The following TMEM144 variants were observed in gnomAD, a reference collection of about 807,000 sequenced individuals.
The protein encoded by TMEM144 is transmembrane protein 144.
Under a neutral mutation model 43.6 loss-of-function variants are expected in TMEM144, and 39 were observed. That is an observed-to-expected ratio of 0.90 (90% CI 0.69 to 1.17). TMEM144 has a LOEUF of 1.17. Among genes scored for constraint, TMEM144 ranks in the 50% most tolerant of loss-of-function variants. The pLI is 0.00. For missense variants in TMEM144, 417 were observed against 411.9 expected (o/e 1.01, Z -0.11); for synonymous variants, 154 against 133.6 (o/e 1.15, Z -1.06).
rs5863314 is a variant in TMEM144 at position 158,250,195 on chromosome 4, CATATAT to C, written c.955-3219_955-3214del. 5.4e-3 allele frequency among the ~76,000 whole-genome samples: 728 copies of C among 135,528 alleles called. 6 individuals carry two copies. The highest frequency in any genetic ancestry group is 0.019 in the Middle Eastern group (5 of 262). 88.9% of individuals were successfully genotyped at this position (135,528 alleles called of 152,430 possible). A position where few individuals can be genotyped will look rare whatever the true frequency, so the allele number is the denominator to read the frequency against. On this transcript the variant is annotated intron_variant, in intron 12 of 12. Transcript: ENST00000296529. ...TTTGATTTTGTTAATTAATACATAA[CATATAT>C]ATATATATATATATATATATATATA...
At position 158,235,497 on chromosome 4, in the gene TMEM144, C is replaced by T. The variant is rs747622992; in HGVS notation, c.555C>T (p.His185=). ...TGGATAAACTTTCTACAGTACACCA[C>T]CGCATAGTGTAAGGAGAGGTTACTT... ...SWVDKLSTVH[H]RIVGCSLAVI... The change falls in exon 8 of 13, where the codon CAC becomes CAT. Residue 185 remains histidine (H), a synonymous_variant. Coordinates refer to ENST00000296529, the MANE Select transcript of TMEM144 (RefSeq NM_018342.5). 1.9e-6 allele frequency: 3 copies of T among 1,613,446 alleles called. No individual in the cohort carries two copies. The highest frequency in any genetic ancestry group is 2.7e-5 in the African/African-American group (2 of 74,890).
intron 5 of TMEM144, among the ~76,000 whole-genome samples, chr4:158,218,051 C>T (rs1292379869): frequency 6.6e-6 from 1 of 152,170 alleles, no homozygotes; most frequent in African/African-American, 2.4e-5. Flanking sequence ...AAATTATCTA[C>T]AACCGCCTTC....
intron 3 of TMEM144, 74 bp downstream of exon 3, chr4:158,212,850 T>G: frequency 8.7e-7 from 1 of 1,148,030 alleles, no homozygotes; most frequent in Non-Finnish European, 1.3e-6. Flanking sequence ...CTTTTAAAAG[T>G]ATAGCTACAA....
chr4:158,232,840 C>G (rs971405150), intron 6 of TMEM144, 61 bp from the exon 7 acceptor site: 19 of 1,154,034 alleles, frequency 1.6e-5, no homozygotes, highest in Non-Finnish European at 2.3e-5. Flanking sequence ...TCTTAAAAAT[C>G]AAGCAGCTTG....
intron 7 of TMEM144, chr4:158,233,962 T>G: frequency 6.6e-6 from 1 of 152,154 alleles, no homozygotes. Context: ...TCCAGACACC[T>G]CCTGCCCAAC....
intron 10 of TMEM144, 89 bp downstream of exon 10, chr4:158,240,507 C>A: frequency 7.2e-7 from 1 of 1,391,634 alleles, no homozygotes; most frequent in Non-Finnish European, 9.7e-7. Flanking sequence ...GGAAACAAAG[C>A]CATCCTCTGT....
intron 12 of TMEM144, among the ~76,000 whole-genome samples, chr4:158,244,857 T>C (rs1192454953): frequency 6.6e-6 from 1 of 152,172 alleles, no homozygotes; most frequent in African/African-American, 2.4e-5. Context: ...ATGATAATTA[T>C]AATGTAACAT....
chr4:158,245,077 A>G (rs1735819232), intron 12 of TMEM144, among the ~76,000 whole-genome samples: 1 of 152,100 alleles, frequency 6.6e-6, no homozygotes, highest in Non-Finnish European at 1.5e-5. Context: ...ATTGGTTCCT[A>G]TGTCTCCCAA....
At chr4:158,240,485 T>A in intron 10 of TMEM144, 67 bp downstream of exon 10, 1 of 1,513,708 alleles carries the variant, frequency 6.6e-7, no homozygotes, top group Non-Finnish European at 8.9e-7. Context: ...TTAACTTGAA[T>A]AAGTTTCTTC....
chr4:158,249,660 G>A (rs191000393), intron 12 of TMEM144, among the ~76,000 whole-genome samples: 18 of 152,168 alleles, frequency 1.2e-4, no homozygotes, highest in East Asian at 1.9e-4. Context: ...ATGTATTCAC[G>A]TAATTAGATT....
At chr4:158,234,666 A>G (rs553671882) in intron 7 of TMEM144, 1 of 152,368 alleles carries the variant, frequency 6.6e-6, no homozygotes, top group African/African-American at 2.4e-5. Context: ...ACCTATATAT[A>G]GTATGTCTTT....
intron 11 of TMEM144, 148 bp from the exon 12 acceptor site, chr4:158,244,148 A>G: frequency 2.5e-6 from 1 of 406,602 alleles, no homozygotes; most frequent in Non-Finnish European, 4.3e-6. Context: ...AATATCACCT[A>G]AAGTTTAGCT....
chr4:158,237,580 A>G lies in TMEM144; in HGVS notation c.619A>G (p.Ile207Val). The change falls in exon 9 of 13, where the codon ATC (isoleucine) becomes GTC (valine). Residue 207 changes from isoleucine (I) to valine (V), a missense_variant. Transcript: ENST00000296529. ...ACTCTATGGATCTACATTTGTGCCA[A>G]TCATCTACATCAAGGACCACAGCAA... ...GVLYGSTFVP[I>V]IYIKDHSKRN... 1.9e-6 allele frequency: 3 copies of G among 1,614,058 alleles called. No homozygotes were observed. Among genetic ancestry groups the G allele is most frequent in the South Asian group, 1.1e-5 (1 of 91,074 alleles).
intron 6 of TMEM144, 69 bp from the exon 7 acceptor site, chr4:158,232,832 T>C: frequency 9.1e-7 from 1 of 1,097,098 alleles, no homozygotes; most frequent in Non-Finnish European, 1.3e-6. Flanking sequence ...TGTTTTTTTC[T>C]TAAAAATCAA....
At chr4:158,241,318 C>G (rs1176749783) in intron 10 of TMEM144, among the ~76,000 whole-genome samples, 191 bp from the exon 11 acceptor site, 1 of 151,830 alleles carries the variant, frequency 6.6e-6, no homozygotes, top group African/African-American at 2.4e-5. Context: ...ATCACTCTAC[C>G]CATAGCAGGC....
chr4:158,233,194 T>C, intron 7 of TMEM144: 1 of 420,696 alleles, frequency 2.4e-6, no homozygotes. Context: ...GGTTTATTTA[T>C]TTTGATTAAC....
At chr4:158,252,933 C>T (rs562739429) in intron 12 of TMEM144, among the ~76,000 whole-genome samples, 8 of 152,178 alleles carry the variant, frequency 5.3e-5, no homozygotes, top group Non-Finnish European at 1.2e-4. Flanking sequence ...CACTAACCTC[C>T]TTTCAGTCCC....
intron 6 of TMEM144, among the ~76,000 whole-genome samples, chr4:158,221,670 T>G (rs1410786): frequency 6.6e-6 from 1 of 152,210 alleles, no homozygotes; most frequent in Non-Finnish European, 1.5e-5. Flanking sequence ...AACATGCCTT[T>G]CCTGGAGGGT....
At position 158,241,559 on chromosome 4, in the gene TMEM144, G is replaced by A; in HGVS notation, c.853G>A (p.Ala285Thr). 2 of 1,613,998 alleles carry A rather than the reference G, an allele frequency of 1.2e-6. No individual in the cohort carries two copies. Among genetic ancestry groups the A allele is most frequent in the East Asian group, 2.2e-5 (1 of 44,860 alleles). ...TATAGCTACCTGCTGTTGGTTCATAGCAAATCACTCTCTGAGTGCTGTGGT... is the reference window on the plus strand; with the variant it reads ...TATAGCTACCTGCTGTTGGTTCATAACAAATCACTCTCTGAGTGCTGTGGT... Reference protein sequence around the residue: ...WAIATCCWFIANHSLSAVVSF... With the variant: ...WAIATCCWFITNHSLSAVVSF... Residue 285 changes from alanine to threonine, a missense_variant, in exon 11 of 13, where the codon GCA (alanine) becomes ACA (threonine). By Grantham distance (58) the Ala-to-Thr change is moderately conservative. Transcript: ENST00000296529.
Sources: gnomAD v4.1 joint callset for allele counts (sites outside exome capture counted in the v4.1 genomes callset) on GRCh38, gnomAD v4.1.1 for gene constraint, MANE v1.5 for transcripts, NCBI Gene and HGNC (gene_info 2026-07-23, HGNC 2026-07-21) for gene names.